Variants in MEGF11 observed in about 807,000 individuals in gnomAD.
MEGF11 encodes multiple EGF like domains 11.
In MEGF11, 126 loss-of-function variants were observed where a neutral mutation model predicts 146.6. The observed-to-expected ratio is 0.86, with a 90% CI of 0.74 to 1.00. MEGF11 has a LOEUF of 1.00. Among genes scored for constraint, MEGF11 ranks in the 50% least tolerant of loss-of-function variants. The probability of loss-of-function intolerance (pLI) is 0.00; values close to 1 mark genes in which losing one functional copy is unlikely to be tolerated. For missense variants in MEGF11, 1,509 were observed against 1,521.2 expected (o/e 0.99, Z 0.13); for synonymous variants, 532 against 583.4 (o/e 0.91, Z 1.27).
intron 20 of MEGF11, 172 bp downstream of exon 20, chr15:65,913,565 G>T: frequency 1.6e-6 from 1 of 637,702 alleles, no homozygotes; most frequent in Non-Finnish European, 2.8e-6. Context: ...ATTTTCCCTT[G>T]GAACCCCAGA....
At chr15:66,156,206 T>C (rs1473232928) in intron 1 of MEGF11, among the ~76,000 whole-genome samples, 4 of 152,084 alleles carry the variant, frequency 2.6e-5, no homozygotes, top group African/African-American at 9.7e-5. Context: ...CACAGCAGCC[T>C]GGAAGTGAAT....
At chr15:66,092,491 G>T (rs1174396962) in intron 5 of MEGF11, among the ~76,000 whole-genome samples, 5 of 152,180 alleles carry the variant, frequency 3.3e-5, no homozygotes, top group Admixed American at 3.3e-4. Flanking sequence ...CTGAATGGGA[G>T]GAGTTAAATC....
chr15:66,236,411 G>A (rs2092092254), intron 1 of MEGF11, among the ~76,000 whole-genome samples: 1 of 152,204 alleles, frequency 6.6e-6, no homozygotes, highest in Non-Finnish European at 1.5e-5. Context: ...GCCTGCCACA[G>A]GGAATGTGGA....
In MEGF11 at chr15:65,961,708, G is replaced by A. The variant is rs79376389; in HGVS notation, c.1112+3200C>T. Among the ~76,000 whole-genome samples the A allele has an allele frequency of 4.6e-3, 701 of 152,366 alleles. 5 individuals carry two copies. The highest frequency in any genetic ancestry group is 0.015 in the African/African-American group (610 of 41,582). Reference sequence around the variant, plus strand: ...CCTTGCCGGAAGGGCACAGACCAGAGAGAGGCTGGAGCTGGGTGGCTAGGG... The same window carrying A: ...CCTTGCCGGAAGGGCACAGACCAGAAAGAGGCTGGAGCTGGGTGGCTAGGG... On this transcript the variant is annotated intron_variant, in intron 9 of 25. Transcript: ENST00000395614.
intron 1 of MEGF11, among the ~76,000 whole-genome samples, chr15:66,155,217 G>T (rs753866823): frequency 1.3e-5 from 2 of 152,094 alleles, no homozygotes; most frequent in Non-Finnish European, 2.9e-5. Context: ...CACCCCCTGT[G>T]CAGTAATCAG....
intron 10 of MEGF11, among the ~76,000 whole-genome samples, chr15:65,952,794 C>T (rs1322681053): frequency 6.6e-6 from 1 of 152,232 alleles, no homozygotes; most frequent in Non-Finnish European, 1.5e-5. Flanking sequence ...GCTACAAACT[C>T]ATTTCTTGTT....
chr15:65,903,951 AG>A (rs1241179574), intron 24 of MEGF11, among the ~76,000 whole-genome samples: 2 of 152,226 alleles, frequency 1.3e-5, no homozygotes, highest in Non-Finnish European at 2.9e-5. Context: ...TTGTAGCCAG[AG>A]TGGTAAAATA....
intron 10 of MEGF11, among the ~76,000 whole-genome samples, chr15:65,942,062 C>T (rs1459251426): frequency 6.6e-6 from 1 of 152,088 alleles, no homozygotes; most frequent in East Asian, 1.9e-4. Flanking sequence ...AGAGAGAGAA[C>T]TATCCTAGAG....
chr15:66,024,503 C>T (rs1296645778), intron 5 of MEGF11, among the ~76,000 whole-genome samples: 2 of 152,228 alleles, frequency 1.3e-5, no homozygotes, highest in Admixed American at 6.5e-5. Context: ...GTGCTAATAT[C>T]TGCCTCAAAG....
chr15:66,034,688 C>T (rs569072034), intron 5 of MEGF11, among the ~76,000 whole-genome samples: 5 of 152,056 alleles, frequency 3.3e-5, no homozygotes, highest in East Asian at 1.9e-4. Context: ...CCAAAGTGCT[C>T]GGAATACAGG....
chr15:66,175,176 G>A (rs1285841502), intron 1 of MEGF11, among the ~76,000 whole-genome samples: 1 of 152,022 alleles, frequency 6.6e-6, no homozygotes, highest in Admixed American at 6.5e-5. Flanking sequence ...TTTCCAATTT[G>A]GATGCCTTTT....
intron 1 of MEGF11, among the ~76,000 whole-genome samples, chr15:66,249,393 C>T (rs988542478): frequency 6.6e-6 from 1 of 152,182 alleles, no homozygotes; most frequent in Non-Finnish European, 1.5e-5. Context: ...GAGGGGCTCT[C>T]GGAGTGGATG....
At chr15:66,016,419 C>A (rs189325254) in intron 5 of MEGF11, among the ~76,000 whole-genome samples, 281 of 150,482 alleles carry the variant, frequency 1.9e-3, no homozygotes, top group African/African-American at 6.7e-3. Flanking sequence ...CTAACGACCG[C>A]AAAACAATTT....
intron 24 of MEGF11, among the ~76,000 whole-genome samples, chr15:65,899,700 C>T (rs2078445211): frequency 6.6e-6 from 1 of 152,166 alleles, no homozygotes. Flanking sequence ...TTAAGCTAGC[C>T]TTTGGAAAGT....
intron 11 of MEGF11, among the ~76,000 whole-genome samples, chr15:65,930,365 C>G (rs769289761): frequency 6.6e-6 from 1 of 152,090 alleles, no homozygotes; most frequent in Non-Finnish European, 1.5e-5. Flanking sequence ...TGCAGGAGAC[C>G]GGCCCACAGA....
At chr15:66,011,643 T>C (rs1323525561) in intron 5 of MEGF11, among the ~76,000 whole-genome samples, 1 of 151,960 alleles carries the variant, frequency 6.6e-6, no homozygotes, top group Non-Finnish European at 1.5e-5. Context: ...TTCGGAGGGT[T>C]GTCATGAGGA....
At chr15:65,997,854 T>A (rs756980152) in intron 5 of MEGF11, among the ~76,000 whole-genome samples, 5 of 152,140 alleles carry the variant, frequency 3.3e-5, no homozygotes, top group Non-Finnish European at 7.4e-5. Flanking sequence ...TTCCTTTCAA[T>A]TGGGAGGCCA....
At chr15:66,217,727 G>A (rs1363354773) in intron 1 of MEGF11, among the ~76,000 whole-genome samples, 2 of 152,182 alleles carry the variant, frequency 1.3e-5, no homozygotes, top group African/African-American at 4.8e-5. Context: ...AGACCCAAGG[G>A]GACCCAAAGA....
At chr15:65,965,448 A>G (rs914147644) in intron 8 of MEGF11, 36 of 271,212 alleles carry the variant, frequency 1.3e-4, no homozygotes, top group Admixed American at 4.7e-4. Context: ...TGTTTCTCTC[A>G]AAATTCTCAT....
Sources: gnomAD v4.1 joint callset for allele counts (sites outside exome capture counted in the v4.1 genomes callset) on GRCh38, gnomAD v4.1.1 for gene constraint, MANE v1.5 for transcripts, NCBI Gene and HGNC (gene_info 2026-07-23, HGNC 2026-07-21) for gene names.